The following TRAK1 variants were observed in gnomAD, a reference collection of about 807,000 sequenced individuals.
The protein encoded by TRAK1 is trafficking kinesin protein 1, also known as trafficking kinesin-binding protein 1.
In TRAK1, 33 loss-of-function variants were observed where a neutral mutation model predicts 92.1. The ratio of observed to expected loss-of-function variants is 0.36; its 90% CI spans 0.27 to 0.48. TRAK1 has a LOEUF of 0.48. Among genes scored for constraint, TRAK1 ranks in the 20% least tolerant of loss-of-function variants. TRAK1 has a pLI of 0.99. For missense variants in TRAK1, 1,123 were observed against 1,257.9 expected (o/e 0.89, Z 1.62); for synonymous variants, 521 against 517.3 (o/e 1.01, Z -0.10).
intron 1 of TRAK1, among the ~76,000 whole-genome samples, chr3:42,075,415 CAAGTGCTATTGTGAA>C (rs1411727903): frequency 6.6e-6 from 1 of 150,470 alleles, no homozygotes; most frequent in African/African-American, 2.5e-5. Flanking sequence ...CTCCTGGGCT[CAAGTGCTATTGTGAA>C]GAGTGCTGCG....
intron 2 of TRAK1, among the ~76,000 whole-genome samples, chr3:42,166,533 G>T (rs956661632): frequency 1.4e-4 from 22 of 152,162 alleles, no homozygotes; most frequent in African/African-American, 5.3e-4. Context: ...TGTCTGGTTT[G>T]TTAAATGAGG....
chr3:42,043,722 G>A (rs1013113358), intron 1 of TRAK1, among the ~76,000 whole-genome samples: 18 of 151,760 alleles, frequency 1.2e-4, no homozygotes, highest in African/African-American at 4.1e-4. Flanking sequence ...TTTGTTTCTT[G>A]GTATTTCCGG....
chr3:42,194,683 C>A, intron 9 of TRAK1, 121 bp from the exon 10 acceptor site: 1 of 1,221,194 alleles, frequency 8.2e-7, no homozygotes, highest in Non-Finnish European at 1.1e-6. Flanking sequence ...CACAGGGCAG[C>A]TGGTTCCACA....
At position 42,200,166 on chromosome 3, in the gene TRAK1, G is replaced by A. The variant is rs368953102; in HGVS notation, c.1191-652G>A. Among the ~76,000 whole-genome samples the A allele has an allele frequency of 2.1e-4, 32 of 152,342 alleles. 1 individual carries two copies. The East Asian group carries it at 5.6e-3, about 27-fold the overall frequency. ...GATCCTGGGAGTGGCAAGTGTCCAA[G>A]TGAGGTTTGGTATATGTGTGACACC... is the stretch of plus-strand genomic sequence containing the variant. On this transcript the variant is annotated intron_variant, in intron 11 of 15. Coordinates refer to ENST00000327628, the MANE Select transcript of TRAK1 (RefSeq NM_001042646.3).
intron 13 of TRAK1, among the ~76,000 whole-genome samples, chr3:42,205,096 C>T (rs60220330): frequency 0.064 from 9,735 of 152,158 alleles, 324 homozygotes; most frequent in Non-Finnish European, 0.079. Flanking sequence ...AGGCTGATAG[C>T]CATCAGACCA....
intron 2 of TRAK1, among the ~76,000 whole-genome samples, chr3:42,145,223 G>T (rs985851343): frequency 6.6e-6 from 1 of 152,150 alleles, no homozygotes; most frequent in African/African-American, 2.4e-5. Context: ...GGTGGCCCAC[G>T]CCTGTAATTC....
rs1708822438 is a variant in TRAK1 at position 42,210,085 on chromosome 3, C to CAGAGGA, written c.1963+100_1963+101insAGAGGA. On this transcript the variant is annotated intron_variant, in intron 14 of 15. Transcript: ENST00000327628. The stretch of plus-strand genomic sequence containing the variant: ...GAGATGCAGGAGCCGCCAGCGGCCA[C>CAGAGGA]GGAGGAGGAGGAGGAGGAGGAGGAG... The CAGAGGA allele has an allele frequency of 5.7e-6, 9 of 1,577,352 alleles. No homozygotes were observed. The South Asian group carries it at 6.9e-5, about 12-fold the overall frequency.
intron 2 of TRAK1, chr3:42,149,486 A>G: frequency 6.5e-7 from 1 of 1,535,788 alleles, no homozygotes; most frequent in African/African-American, 1.4e-5. Flanking sequence ...GTTTTACTTG[A>G]CGTTGATGGT....
At chr3:42,198,422 T>A (rs998498034) in intron 10 of TRAK1, among the ~76,000 whole-genome samples, 4 of 152,184 alleles carry the variant, frequency 2.6e-5, no homozygotes, top group Non-Finnish European at 5.9e-5. Flanking sequence ...GAAAAAAATG[T>A]GAGATTCCTA....
At chr3:42,149,196 C>A (rs901908204) in intron 2 of TRAK1, 29 of 1,072,502 alleles carry the variant, frequency 2.7e-5, no homozygotes, top group African/African-American at 3.3e-5. Flanking sequence ...TCTGACGTCA[C>A]CCTCTAGGCG....
intron 1 of TRAK1, among the ~76,000 whole-genome samples, chr3:42,063,123 T>A (rs1559731401): frequency 1.3e-5 from 2 of 152,262 alleles, no homozygotes; most frequent in Non-Finnish European, 2.9e-5. Flanking sequence ...TCCCACCGCC[T>A]GCTGTTATAA....
intron 1 of TRAK1, among the ~76,000 whole-genome samples, chr3:42,101,724 A>T (rs1532496): frequency 6.6e-6 from 1 of 152,038 alleles, no homozygotes; most frequent in East Asian, 1.9e-4. Flanking sequence ...TATGAAAATA[A>T]CAGAGGGCTG....
intron 1 of TRAK1, among the ~76,000 whole-genome samples, chr3:42,073,820 G>T (rs1704036516): frequency 1.3e-5 from 2 of 152,230 alleles, no homozygotes; most frequent in Admixed American, 6.5e-5. Context: ...AGGTAGGAGA[G>T]TGGTAAGATG....
chr3:42,216,079 G>A (rs9869694), intron 14 of TRAK1, among the ~76,000 whole-genome samples: 43,663 of 152,054 alleles, frequency 0.29, 6,950 homozygotes, highest in East Asian at 0.35. Flanking sequence ...ATTATGGGCG[G>A]CCAGACGGGC....
At chr3:42,165,149 T>C (rs1443785479) in intron 2 of TRAK1, among the ~76,000 whole-genome samples, 1 of 152,184 alleles carries the variant, frequency 6.6e-6, no homozygotes, top group African/African-American at 2.4e-5. Flanking sequence ...CACAATGGTC[T>C]GGAGTTTGCT....
intron 1 of TRAK1, among the ~76,000 whole-genome samples, chr3:42,046,813 T>C (rs530062479): frequency 4.3e-4 from 65 of 152,326 alleles, no homozygotes; most frequent in African/African-American, 1.5e-3. Context: ...TAAGCACTAA[T>C]GGTGCTAATT....
intron 1 of TRAK1, among the ~76,000 whole-genome samples, chr3:42,108,487 GC>G (rs1707898051): frequency 2.0e-5 from 2 of 100,282 alleles, no homozygotes; most frequent in South Asian, 7.4e-4. Context: ...GTGAGACCCT[GC>G]CTTTAAAAAA....
chr3:42,192,400 A>ATTGCGTTTCGTCAAAATACTAAGTATT (rs1705909828), intron 7 of TRAK1, among the ~76,000 whole-genome samples: 1 of 131,302 alleles, frequency 7.6e-6, no homozygotes, highest in Non-Finnish European at 1.6e-5. Flanking sequence ...TACTAAGTAT[A>ATTGCGTTTCGTCAAAATACTAAGTATT]TTGCATTTCG....
intron 2 of TRAK1, among the ~76,000 whole-genome samples, chr3:42,158,041 C>T (rs1042526950): frequency 7.9e-5 from 12 of 152,072 alleles, no homozygotes; most frequent in African/African-American, 2.7e-4. Context: ...GTTCTTTATT[C>T]TGTATATTTT....
Sources: gnomAD v4.1 joint callset for allele counts (sites outside exome capture counted in the v4.1 genomes callset) on GRCh38, gnomAD v4.1.1 for gene constraint, MANE v1.5 for transcripts, NCBI Gene and HGNC (gene_info 2026-07-23, HGNC 2026-07-21) for gene names.